The following C4orf50 variants were observed in gnomAD, a reference collection of about 807,000 sequenced individuals.
C4orf50 encodes uncharacterized protein C4orf50.
Under a neutral mutation model 77.2 loss-of-function variants are expected in C4orf50, and 80 were observed. That is an observed-to-expected ratio of 1.04 (90% CI 0.87 to 1.25). The LOEUF (loss-of-function observed/expected upper bound fraction) is 1.25, where lower values mean the gene tolerates loss of function less well. Ranked by LOEUF, C4orf50 falls within the 50% of genes most tolerant of loss-of-function variation. The probability of loss-of-function intolerance (pLI) is 0.00; values close to 1 mark genes in which losing one functional copy is unlikely to be tolerated. For synonymous variants in C4orf50, 532 were observed against 465.3 expected (o/e 1.14, Z -1.84); for missense variants, 1,257 against 1,152.9 (o/e 1.09, Z -1.31).
At chr4:5,918,886 G>A (rs1238335390) in intron 7 of C4orf50, among the ~76,000 whole-genome samples, 5 of 151,726 alleles carry the variant, frequency 3.3e-5, no homozygotes, top group South Asian at 2.1e-4. Flanking sequence ...GTCTCCTGGC[G>A]GGGGACCCCA....
intron 23 of C4orf50, among the ~76,000 whole-genome samples, chr4:6,014,505 G>A (rs1441457223): frequency 6.6e-6 from 1 of 152,138 alleles, no homozygotes; most frequent in Non-Finnish European, 1.5e-5. Context: ...ATATTATTTT[G>A]AGAAGAAATA....
chr4:5,934,887 C>T (rs77691300), intron 7 of C4orf50, among the ~76,000 whole-genome samples: 5,014 of 152,286 alleles, frequency 0.033, 216 homozygotes, highest in African/African-American at 0.1. Context: ...AGTGCATACA[C>T]GTGACCCTAA....
Position 5,913,487 on chromosome 4 carries a change from T to C in C4orf50, c.*2475-15299A>G, listed in dbSNP as rs1716898487. Among the ~76,000 whole-genome samples, 3 of 152,202 alleles carry C rather than the reference T, an allele frequency of 2.0e-5. No individual in the cohort carries two copies. In the South Asian group the frequency reaches 6.2e-4, roughly 32 times the overall value. ...ATGAGCCTGTTCAATTTCCATGAGC[T>C]TCCTAATCACATGGGGAATGGAAAA... On this transcript the variant is annotated intron_variant, in intron 7 of 7. Coordinates refer to the C4orf50 transcript ENST00000324058.
At chr4:5,954,578 A>G (rs1248598021), downstream of C4orf50, among the ~76,000 whole-genome samples, 1 of 152,130 alleles carries the variant, frequency 6.6e-6, no homozygotes, top group Non-Finnish European at 1.5e-5. This position sits in a 1 kb window ranked among gnomAD's most constrained non-coding sequence, Gnocchi z 4.7. Context: ...ATTCCCACCT[A>G]GGCCTCCACG....
intron 7 of C4orf50, among the ~76,000 whole-genome samples, chr4:5,917,521 C>T (rs1257582164): frequency 2.1e-5 from 3 of 145,198 alleles, no homozygotes; most frequent in South Asian, 2.3e-4. Flanking sequence ...TCAAGCGATA[C>T]TCCTGCCTCA....
In C4orf50 at chr4:5,967,410, T is replaced by G. The variant is rs1560570138; in HGVS notation, c.4153+4A>C. On this transcript the variant is annotated splice_donor_region_variant and intron_variant, in intron 32 of 33. Coordinates refer to ENST00000531445, the Ensembl canonical transcript of C4orf50. ...GGCTTTTCCTGATCAAAAATCACAC[T>G]GACCTCTTAAAGCTGCCGTCATCTC... The G allele has an allele frequency of 6.2e-7, 1 of 1,612,716 alleles. No individual in the cohort carries two copies. Among genetic ancestry groups the G allele is most frequent in the Non-Finnish European group, 8.5e-7 (1 of 1,178,728 alleles).
At chr4:5,910,344 T>G (rs761323698) in intron 7 of C4orf50, among the ~76,000 whole-genome samples, 1 of 152,242 alleles carries the variant, frequency 6.6e-6, no homozygotes, top group Non-Finnish European at 1.5e-5. Context: ...TTAGCATTTC[T>G]CATAGGGAAT....
chr4:6,004,277 A>ATGG (rs1722097469), intron 25 of C4orf50, among the ~76,000 whole-genome samples: 37 of 60,684 alleles, frequency 6.1e-4, no homozygotes, highest in South Asian at 1.6e-3. Context: ...GGTGATGGTG[A>ATGG]TGGTGATGTT....
intron 25 of C4orf50, among the ~76,000 whole-genome samples, chr4:5,996,135 C>T (rs1721570296): frequency 6.6e-6 from 1 of 152,234 alleles, no homozygotes; most frequent in African/African-American, 2.4e-5. Context: ...AGCTTTGCGC[C>T]AGCTTCCCCT....
intron 29 of C4orf50, among the ~76,000 whole-genome samples, chr4:5,979,960 T>G (rs964917229): frequency 6.6e-6 from 1 of 152,220 alleles, no homozygotes; most frequent in East Asian, 1.9e-4. Flanking sequence ...AAACCACATA[T>G]GTGCATTTTT....
At chr4:5,949,128 A>G (rs111292646) in intron 7 of C4orf50, among the ~76,000 whole-genome samples, 3,661 of 152,274 alleles carry the variant, frequency 0.024, 99 homozygotes, top group African/African-American at 0.066. Context: ...CAGAGGGGAG[A>G]GCACAGCAAA....
chr4:5,940,155 TG>T (rs1178231833), intron 7 of C4orf50, among the ~76,000 whole-genome samples: 2 of 152,214 alleles, frequency 1.3e-5, no homozygotes, highest in Admixed American at 1.3e-4. Context: ...TGTCCCTCAC[TG>T]GAAGTGTCTG....
At position 6,009,727 on chromosome 4, in the gene C4orf50, G is replaced by T. The variant is rs146357797; in HGVS notation, c.427-1195C>A. On this transcript the variant is annotated intron_variant, in intron 24 of 33. Coordinates refer to ENST00000531445, the Ensembl canonical transcript of C4orf50. This position sits in a 1 kb window ranked among gnomAD's most constrained non-coding sequence, Gnocchi z 5.6. ...CCATTTGGTACATACAGGTGCAAAG[G>T]GCATGGAAAACTCGCTCAAGCACTC... Among the ~76,000 whole-genome samples the T allele has an allele frequency of 1.3e-5, 2 of 152,100 alleles. No individual in the cohort carries two copies. Among genetic ancestry groups the T allele is most frequent in the African/African-American group, 2.4e-5 (1 of 41,428 alleles).
rs1722286712 is a variant in C4orf50, at chr4:6,007,271, T to C, written c.963+725A>G. The stretch of plus-strand genomic sequence containing the variant: ...GTGTTCCCCACCACCACCAAATTTA[T>C]GTGGAAATCCTAATCCTCAATGTGA... On this transcript the variant is annotated intron_variant, in intron 25 of 33. Coordinates refer to ENST00000531445, the Ensembl canonical transcript of C4orf50. The surrounding 1 kb of genome is among the most constrained non-coding windows in gnomAD (Gnocchi z 4.1). Among the ~76,000 whole-genome samples, 1 of 152,120 alleles carries C rather than the reference T, an allele frequency of 6.6e-6. No homozygotes were observed. Among genetic ancestry groups the C allele is most frequent in the Non-Finnish European group, 1.5e-5 (1 of 68,020 alleles).
intron 7 of C4orf50, among the ~76,000 whole-genome samples, chr4:5,944,581 C>T (rs934367851): frequency 6.6e-6 from 1 of 152,180 alleles, no homozygotes; most frequent in Admixed American, 6.5e-5. Flanking sequence ...GTTCATACCT[C>T]GGAGAACCTT....
intron 25 of C4orf50, among the ~76,000 whole-genome samples, chr4:6,004,621 G>A (rs1239222912): frequency 7.4e-6 from 1 of 135,490 alleles, no homozygotes; most frequent in African/African-American, 2.7e-5. Context: ...TGGTGGTGAT[G>A]GTGATGGTGA....
intron 30 of C4orf50, 113 bp downstream of exon 8, chr4:5,975,786 G>T: frequency 2.4e-6 from 2 of 830,524 alleles, no homozygotes; most frequent in Non-Finnish European, 4.1e-6. Flanking sequence ...ACCGTGCCTG[G>T]CCCTACCCAG....
rs1399779550 is a variant in C4orf50 at position 6,008,371 on chromosome 4, G to A, written c.588C>T (p.Arg196=). ...GCCGCTGCACCTGCTCCCGCAGGACGCGCTCCTGCTCCCGCACCAGGCCCA... is the reference window on the plus strand; with the variant it reads ...GCCGCTGCACCTGCTCCCGCAGGACACGCTCCTGCTCCCGCACCAGGCCCA... Residue 196 remains arginine (R), a synonymous_variant, in exon 25 of 34, where the codon CGC becomes CGT. Transcript: ENST00000531445. This position sits in a 1 kb window ranked among gnomAD's most constrained non-coding sequence, Gnocchi z 6.0. 5.1e-6 allele frequency: 2 copies of A among 392,562 alleles called. No homozygotes were observed. The highest frequency in any genetic ancestry group is 2.1e-5 in the African/African-American group (1 of 48,334). The allele number at this position is 392,562 out of a possible 1,614,324, so 24.3% of individuals were successfully genotyped here.
intron 25 of C4orf50, among the ~76,000 whole-genome samples, chr4:6,006,225 G>C (rs1722247003): frequency 6.6e-6 from 1 of 152,104 alleles, no homozygotes; most frequent in South Asian, 2.1e-4. Flanking sequence ...TAAGGTTCCA[G>C]GTAATTTTAA....
Sources: allele counts gnomAD v4.1 joint callset (sites outside exome capture counted in the v4.1 genomes callset), GRCh38; gene constraint gnomAD v4.1.1; non-coding constraint Gnocchi (gnomAD v3.1); transcripts MANE v1.5; gene names NCBI Gene and HGNC (gene_info 2026-07-23, HGNC 2026-07-21).